CHMP3: variants seen among roughly 807,000 people sequenced by gnomAD.
CHMP3 encodes 25.1 protein.
In CHMP3, 8 loss-of-function variants were observed where a neutral mutation model predicts 27.4. That is an observed-to-expected ratio of 0.29 (90% confidence interval 0.17 to 0.53). CHMP3 has a LOEUF of 0.53. CHMP3 is among the 20% of genes least tolerant of loss of function. The pLI is 0.96. For missense variants in CHMP3, 208 were observed against 271.5 expected (o/e 0.77, Z 1.64); for synonymous variants, 86 against 85.5 (o/e 1.01, Z -0.03).
chr2:86,533,133 T>TATA (rs1675992236), intron 2 of CHMP3, among the ~76,000 whole-genome samples: 1 of 152,218 alleles, frequency 6.6e-6, no homozygotes, highest in South Asian at 2.1e-4. Flanking sequence ...ATTTTCTATT[T>TATA]CTTTATGTTT....
At chr2:86,545,380 C>T (rs1391428655) in intron 1 of CHMP3, among the ~76,000 whole-genome samples, 4 of 123,822 alleles carry the variant, frequency 3.2e-5, no homozygotes, top group Admixed American at 1.6e-4. Flanking sequence ...ACCTCCCGGA[C>T]GGGGTGGCCG....
intron 2 of CHMP3, among the ~76,000 whole-genome samples, chr2:86,540,483 T>C (rs1657882389): frequency 6.6e-6 from 1 of 152,262 alleles, no homozygotes; most frequent in South Asian, 2.1e-4. Context: ...ATACCATGCA[T>C]CATACCAGTT....
rs1342497631 is a variant in CHMP3, at chr2:86,563,358, A to C, written c.-10T>G. ...TTCCAAACAGCCCCATGACGAACTG[A>C]ACCCGTCTTGCCCCTTCCGGCTTTC... On this transcript the variant is annotated 5_prime_UTR_variant, in exon 1 of 6. Coordinates refer to ENST00000263856, the MANE Select transcript of CHMP3 (RefSeq NM_016079.4). 1 of 1,613,998 alleles carries C rather than the reference A, an allele frequency of 6.2e-7. No homozygotes were observed. The highest frequency in any genetic ancestry group is 1.1e-5 in the South Asian group (1 of 91,074).
intron 3 of CHMP3, among the ~76,000 whole-genome samples, chr2:86,526,008 T>C (rs1417284798): frequency 6.6e-6 from 1 of 152,202 alleles, no homozygotes; most frequent in Non-Finnish European, 1.5e-5. Flanking sequence ...GGATCTAGAA[T>C]AGAGCCCTCG....
chr2:86,554,887 G>A (rs77243695), intron 1 of CHMP3, among the ~76,000 whole-genome samples: 2,603 of 145,338 alleles, frequency 0.018, 114 homozygotes, highest in East Asian at 0.14. Flanking sequence ...CCGCTCTGTC[G>A]CCCAGGCTAG....
intron 3 of CHMP3, among the ~76,000 whole-genome samples, chr2:86,518,783 G>C (rs1187543300): frequency 6.6e-6 from 1 of 152,132 alleles, no homozygotes; most frequent in Non-Finnish European, 1.5e-5. Context: ...AATGCCCCTA[G>C]TTGAGAATCA....
At position 86,503,707 on chromosome 2, in the gene CHMP3, ATAC is replaced by A. The variant is rs1461767346; in HGVS notation, c.*2094_*2096del. 6.6e-6 allele frequency: 1 copy of A among 152,256 alleles called. No individual in the cohort carries two copies. The highest frequency in any genetic ancestry group is 1.5e-5 in the Non-Finnish European group (1 of 68,044). The allele number at this position is 152,256 out of a possible 1,614,324, so 9.4% of individuals were successfully genotyped here. On this transcript the variant is annotated 3_prime_UTR_variant, in exon 6 of 6. Coordinates refer to ENST00000263856, the MANE Select transcript of CHMP3 (RefSeq NM_016079.4). ...AAAGAAGCCAGTCTGAAAAGGCTAC[ATAC>A]TATATGATTCCAATATGACATTCTA...
intron 4 of CHMP3, among the ~76,000 whole-genome samples, chr2:86,509,555 G>A (rs1675019159): frequency 6.6e-6 from 1 of 152,188 alleles, no homozygotes; most frequent in African/African-American, 2.4e-5. Flanking sequence ...AATTTGAGGT[G>A]TACACTCTTG....
At chr2:86,560,716 AAAAAG>A (rs1558665486) in intron 1 of CHMP3, among the ~76,000 whole-genome samples, 4 of 152,128 alleles carry the variant, frequency 2.6e-5, no homozygotes, top group African/African-American at 7.2e-5. Context: ...TAAAAAAAAA[AAAAAG>A]AAAAGAGGTT....
intron 1 of CHMP3, among the ~76,000 whole-genome samples, chr2:86,550,346 A>G (rs1280620570): frequency 6.6e-6 from 1 of 151,908 alleles, no homozygotes; most frequent in Non-Finnish European, 1.5e-5. Context: ...AGTACAGTCC[A>G]GCCTCGGCAA....
intron 2 of CHMP3, among the ~76,000 whole-genome samples, chr2:86,538,451 AATC>A (rs1676232692): frequency 6.6e-6 from 1 of 152,188 alleles, no homozygotes; most frequent in South Asian, 2.1e-4. Context: ...TATAAATAAA[AATC>A]AGCAGCAAGA....
At chr2:86,523,973 A>G (rs1047429059) in intron 3 of CHMP3, among the ~76,000 whole-genome samples, 1 of 152,210 alleles carries the variant, frequency 6.6e-6, no homozygotes, top group Non-Finnish European at 1.5e-5. Flanking sequence ...TTTTGCAGAA[A>G]GTAGATTACA....
At chr2:86,549,576 G>A (rs2104016729) in intron 1 of CHMP3, among the ~76,000 whole-genome samples, 1 of 147,338 alleles carries the variant, frequency 6.8e-6, no homozygotes, top group Non-Finnish European at 1.5e-5. Context: ...CAGTCAGGCA[G>A]AGACGCCCCT....
intron 1 of CHMP3, chr2:86,562,976 G>A (rs926477557): frequency 3.9e-6 from 1 of 259,444 alleles, no homozygotes; most frequent in African/African-American, 2.2e-5. Flanking sequence ...CTGGGAAAAG[G>A]TTCCGGGCGG....
At position 86,542,186 on chromosome 2, in the gene CHMP3, T is replaced by C. The variant is rs930909501; in HGVS notation, c.106+66A>G. ...TCTTATGATATATAAATGCAGTTTA[T>C]TTTTATGAACTGAAGCAAAATATAC... On this transcript the variant is annotated intron_variant, in intron 2 of 5. Transcript: ENST00000263856. 2.0e-5 allele frequency: 31 copies of C among 1,526,900 alleles called. No individual in the cohort carries two copies. The Admixed American group carries it at 4.9e-4, about 24-fold the overall frequency. 94.6% of individuals were successfully genotyped at this position (1,526,900 alleles called of 1,614,324 possible). A position where few individuals can be genotyped will look rare whatever the true frequency, so the allele number is the denominator to read the frequency against.
At chr2:86,551,150 G>T (rs909383018) in intron 1 of CHMP3, among the ~76,000 whole-genome samples, 1 of 152,208 alleles carries the variant, frequency 6.6e-6, no homozygotes, top group African/African-American at 2.4e-5. Context: ...CCTATCAGGG[G>T]ATAGAGATTA....
chr2:86,530,144 C>G (rs1302831611), intron 2 of CHMP3, among the ~76,000 whole-genome samples: 1 of 152,102 alleles, frequency 6.6e-6, no homozygotes, highest in African/African-American at 2.4e-5. Context: ...AAGCACCCAC[C>G]ACGATGCCTG....
chr2:86,563,041 G>T (rs1179240304), intron 1 of CHMP3: 2 of 421,116 alleles, frequency 4.7e-6, no homozygotes, highest in African/African-American at 2.0e-5. Context: ...CGGTGTCGCT[G>T]CCTACGCGCT....
chr2:86,510,555 C>T (rs1675066390), intron 3 of CHMP3, 76 bp from the exon 4 acceptor site: 1 of 1,567,068 alleles, frequency 6.4e-7, no homozygotes, highest in Non-Finnish European at 8.6e-7. Flanking sequence ...TGAGCCATTC[C>T]AATAAATGAC....
Sources: gnomAD v4.1 joint callset for allele counts (sites outside exome capture counted in the v4.1 genomes callset) on GRCh38, gnomAD v4.1.1 for gene constraint, MANE v1.5 for transcripts, NCBI Gene and HGNC (gene_info 2026-07-23, HGNC 2026-07-21) for gene names.